GRIP1: variants seen among roughly 807,000 people sequenced by gnomAD.
The protein encoded by GRIP1 is glutamate receptor-interacting protein 1.
In GRIP1, 45 loss-of-function variants were observed where a neutral mutation model predicts 129.9. That is an observed-to-expected ratio of 0.35 (90% CI 0.27 to 0.44). GRIP1 has a LOEUF of 0.44. Ranked by LOEUF, GRIP1 falls within the 20% of genes least tolerant of loss-of-function variation. GRIP1 has a pLI of 1.00. For synonymous variants in GRIP1, 530 were observed against 520.8 expected (o/e 1.02, Z -0.24); for missense variants, 1,196 against 1,396.8 (o/e 0.86, Z 2.29).
chr12:66,969,253 T>C (rs1372609236), intron 1 of GRIP1, among the ~76,000 whole-genome samples: 1 of 152,214 alleles, frequency 6.6e-6, no homozygotes, highest in Admixed American at 6.6e-5. Flanking sequence ...AGGTTAGATG[T>C]CTGTCATTAA....
At chr12:66,881,170 A>G (rs1460547757) in intron 1 of GRIP1, among the ~76,000 whole-genome samples, 1 of 142,966 alleles carries the variant, frequency 7.0e-6, no homozygotes, top group Non-Finnish European at 1.5e-5. Context: ...CCCAGTGGAC[A>G]GAAACGCTAC....
chr12:66,958,938 C>G (rs1401397266), intron 1 of GRIP1, among the ~76,000 whole-genome samples: 2 of 152,108 alleles, frequency 1.3e-5, no homozygotes, highest in African/African-American at 4.8e-5. Flanking sequence ...CATCAGATAT[C>G]TATTGTTATT....
chr12:66,936,569 T>A (rs547702189), intron 1 of GRIP1, among the ~76,000 whole-genome samples: 1 of 152,154 alleles, frequency 6.6e-6, no homozygotes, highest in African/African-American at 2.4e-5. Flanking sequence ...CTAAGCACAG[T>A]GCTTTCCTGA....
chr12:66,825,668 C>T (rs996488363), intron 1 of GRIP1, among the ~76,000 whole-genome samples: 1 of 152,186 alleles, frequency 6.6e-6, no homozygotes, highest in African/African-American at 2.4e-5. Flanking sequence ...AAGTAATCAG[C>T]ACCTAACAAA....
At chr12:66,545,303 A>T (rs1454488944) in intron 2 of GRIP1, among the ~76,000 whole-genome samples, 4 of 152,198 alleles carry the variant, frequency 2.6e-5, no homozygotes, top group African/African-American at 9.6e-5. Context: ...CTTTTTAATT[A>T]CTGAACTCCA....
chr12:66,897,480 T>G (rs1299204670), intron 1 of GRIP1, among the ~76,000 whole-genome samples: 2 of 152,174 alleles, frequency 1.3e-5, no homozygotes. Context: ...AAAAATACAA[T>G]GTTCCCTTAA....
chr12:66,973,551 T>C (rs536361157), intron 1 of GRIP1, among the ~76,000 whole-genome samples: 2 of 152,232 alleles, frequency 1.3e-5, no homozygotes, highest in South Asian at 2.1e-4. Context: ...AAGACCTATG[T>C]ATATCAAAAA....
intron 1 of GRIP1, among the ~76,000 whole-genome samples, chr12:66,850,189 C>T (rs552321644): frequency 6.6e-5 from 10 of 152,124 alleles, no homozygotes; most frequent in East Asian, 3.9e-4. Flanking sequence ...ATTTAGAAAA[C>T]GATTTTAAGG....
At chr12:66,753,858 T>C (rs909313241) in intron 1 of GRIP1, among the ~76,000 whole-genome samples, 1 of 152,226 alleles carries the variant, frequency 6.6e-6, no homozygotes, top group African/African-American at 2.4e-5. Context: ...GCTGCATTAA[T>C]CTAATAGAAA....
chr12:66,491,607 T>C (rs1193258200), intron 7 of GRIP1, among the ~76,000 whole-genome samples: 1 of 151,918 alleles, frequency 6.6e-6, no homozygotes, highest in Non-Finnish European at 1.5e-5. Context: ...ATCCTACACA[T>C]GCACCCCTGA....
chr12:66,643,019 A>G (rs936715562), intron 1 of GRIP1, among the ~76,000 whole-genome samples: 2 of 152,224 alleles, frequency 1.3e-5, no homozygotes, highest in Non-Finnish European at 2.9e-5. Context: ...AAGGCAATTC[A>G]TAAAACAAGA....
intron 16 of GRIP1, among the ~76,000 whole-genome samples, chr12:66,395,319 T>C (rs2056748070): frequency 6.6e-6 from 1 of 152,222 alleles, no homozygotes; most frequent in Non-Finnish European, 1.5e-5. Context: ...AAGGAACTGT[T>C]TCATTTCTGC....
intron 1 of GRIP1, among the ~76,000 whole-genome samples, chr12:66,823,139 C>G (rs1592878818): frequency 6.6e-6 from 1 of 152,178 alleles, no homozygotes; most frequent in South Asian, 2.1e-4. Flanking sequence ...GTTTTCTGAT[C>G]TATAAAATGA....
intron 7 of GRIP1, among the ~76,000 whole-genome samples, chr12:66,512,661 G>A (rs1223039810): frequency 1.3e-5 from 2 of 150,750 alleles, no homozygotes; most frequent in African/African-American, 4.9e-5. Context: ...ATGAATAAAG[G>A]ACATAAATGA....
At chr12:66,587,182 T>C (rs138116342) in intron 2 of GRIP1, among the ~76,000 whole-genome samples, 1 of 152,252 alleles carries the variant, frequency 6.6e-6, no homozygotes, top group South Asian at 2.1e-4. Context: ...TCTGTTTATT[T>C]AAAAGCCAAG....
At chr12:66,507,913 G>C (rs2060585614) in intron 7 of GRIP1, among the ~76,000 whole-genome samples, 1 of 152,114 alleles carries the variant, frequency 6.6e-6, no homozygotes, top group African/African-American at 2.4e-5. Flanking sequence ...TAAGACTACA[G>C]ATGGGTGCTA....
At chr12:66,643,546 T>C (rs1253512618) in intron 1 of GRIP1, among the ~76,000 whole-genome samples, 2 of 152,134 alleles carry the variant, frequency 1.3e-5, no homozygotes, top group Non-Finnish European at 2.9e-5. Context: ...TTATTAATAG[T>C]AGTTTTCTCT....
At chr12:66,717,391 A>T (rs2035923852) in intron 1 of GRIP1, among the ~76,000 whole-genome samples, 1 of 151,870 alleles carries the variant, frequency 6.6e-6, no homozygotes, top group Non-Finnish European at 1.5e-5. Context: ...TGTAAAAAAA[A>T]AAAAAGTCAC....
chr12:66,878,088 C>A (rs1369595662), intron 1 of GRIP1, among the ~76,000 whole-genome samples: 1 of 151,878 alleles, frequency 6.6e-6, no homozygotes, highest in Non-Finnish European at 1.5e-5. Flanking sequence ...TTCTGAAGTC[C>A]CTTCTCACAT....
Sources: allele counts gnomAD v4.1 joint callset (sites outside exome capture counted in the v4.1 genomes callset), GRCh38; gene constraint gnomAD v4.1.1; transcripts MANE v1.5; gene names NCBI Gene and HGNC (gene_info 2026-07-23, HGNC 2026-07-21).